The following EXOC2 variants were observed in gnomAD, a reference collection of about 807,000 sequenced individuals.
The protein encoded by EXOC2 is SEC5-like 1.
EXOC2 carries 70 observed loss-of-function variants against 131.8 expected under a neutral mutation model. The ratio of observed to expected loss-of-function variants is 0.53; its 90% CI spans 0.44 to 0.65. EXOC2 has a LOEUF of 0.65. Ranked by LOEUF, EXOC2 falls within the 30% of genes least tolerant of loss-of-function variation. EXOC2 has a pLI of 0.00. For synonymous variants in EXOC2, 411 were observed against 398.4 expected, an observed-to-expected ratio of 1.03 and a Z score of -0.38; for missense variants, 923 against 1,108.6, an observed-to-expected ratio of 0.83 and a Z score of 2.38.
intron 11 of EXOC2, among the ~76,000 whole-genome samples, chr6:578,271 C>A (rs887749754): frequency 8.5e-5 from 13 of 152,142 alleles, no homozygotes; most frequent in Non-Finnish European, 1.8e-4. Context: ...TCTGATAATG[C>A]AAACTATTCA....
chr6:567,655 G>C (rs376771055), intron 13 of EXOC2, among the ~76,000 whole-genome samples: 1 of 152,056 alleles, frequency 6.6e-6, no homozygotes, highest in Non-Finnish European at 1.5e-5. Context: ...GTCTACATAC[G>C]TGTACATGAT....
intron 1 of EXOC2, among the ~76,000 whole-genome samples, 176 bp downstream of exon 1, chr6:692,843 G>A (rs1218708836): frequency 6.6e-6 from 1 of 152,124 alleles, no homozygotes; most frequent in East Asian, 1.9e-4. Context: ...GATGGGGGCT[G>A]CGGGGCTGGG....
At chr6:638,094 T>C (rs1307225725) in intron 1 of EXOC2, among the ~76,000 whole-genome samples, 1 of 152,204 alleles carries the variant, frequency 6.6e-6, no homozygotes, top group Non-Finnish European at 1.5e-5. Context: ...TGCTAAGCCC[T>C]GGGTTCTAAA....
chr6:568,732 T>C (rs762395184), intron 13 of EXOC2, among the ~76,000 whole-genome samples: 2 of 152,194 alleles, frequency 1.3e-5, no homozygotes, highest in African/African-American at 4.8e-5. Context: ...ACTTTGTACA[T>C]AGTAAGACTG....
At chr6:629,739 T>C (rs1761749475) in intron 4 of EXOC2, 96 bp downstream of exon 4, 19 of 1,461,250 alleles carry the variant, frequency 1.3e-5, no homozygotes, top group Non-Finnish European at 1.8e-5. Context: ...CTGTGTTTCC[T>C]GGGATGTTTC....
At chr6:655,267 C>T (rs779310194) in intron 1 of EXOC2, among the ~76,000 whole-genome samples, 2 of 152,250 alleles carry the variant, frequency 1.3e-5, no homozygotes, top group Non-Finnish European at 2.9e-5. Flanking sequence ...AAGATTATGA[C>T]TTGCTGAGGG....
intron 4 of EXOC2, among the ~76,000 whole-genome samples, chr6:622,207 G>A (rs918959820): frequency 6.6e-6 from 1 of 152,126 alleles, no homozygotes; most frequent in Non-Finnish European, 1.5e-5. Flanking sequence ...CATTCAATGT[G>A]GTGTCTCACA....
chr6:654,258 G>A (rs1209357995), intron 1 of EXOC2, among the ~76,000 whole-genome samples: 4 of 152,100 alleles, frequency 2.6e-5, no homozygotes, highest in Non-Finnish European at 5.9e-5. Flanking sequence ...AATTTTGTAC[G>A]TTTATAGCTG....
chr6:612,325 T>G (rs1760757199), intron 6 of EXOC2, among the ~76,000 whole-genome samples: 1 of 152,214 alleles, frequency 6.6e-6, no homozygotes, highest in African/African-American at 2.4e-5. Context: ...CTAATTTGGC[T>G]CACATGCTGA....
chr6:500,336 T>C (rs1763971089), intron 23 of EXOC2, among the ~76,000 whole-genome samples: 1 of 152,138 alleles, frequency 6.6e-6, no homozygotes, highest in Non-Finnish European at 1.5e-5. Context: ...AACATCAGAT[T>C]TTAGGTACAA....
chr6:590,802 C>G (rs1759499443), intron 11 of EXOC2, among the ~76,000 whole-genome samples: 1 of 152,156 alleles, frequency 6.6e-6, no homozygotes, highest in East Asian at 1.9e-4. Flanking sequence ...GAGTTTGCTT[C>G]TTTTTTCGTC....
chr6:487,036 T>C (rs1763110446), intron 27 of EXOC2, among the ~76,000 whole-genome samples: 1 of 152,208 alleles, frequency 6.6e-6, no homozygotes. Flanking sequence ...TACAGACTGA[T>C]GTTTGGGCCT....
chr6:555,907 A>C (rs750746671), intron 19 of EXOC2, 47 bp downstream of exon 19: 1 of 1,568,282 alleles, frequency 6.4e-7, no homozygotes, highest in South Asian at 1.1e-5. Flanking sequence ...GTTGACTGAC[A>C]CTTAGTATTA....
chr6:562,755 A>T, intron 17 of EXOC2, 29 bp downstream of exon 17: 1 of 1,481,924 alleles, frequency 6.7e-7, no homozygotes, highest in Non-Finnish European at 9.2e-7. Context: ...CACACTAATG[A>T]CTAATAATTG....
chr6:584,407 C>G (rs1029745221), intron 11 of EXOC2, among the ~76,000 whole-genome samples: 1 of 152,076 alleles, frequency 6.6e-6, no homozygotes, highest in Non-Finnish European at 1.5e-5. Context: ...AATTGTAATA[C>G]TATGATTTAT....
At chr6:616,293 A>T (rs942186376) in intron 6 of EXOC2, among the ~76,000 whole-genome samples, 3 of 152,182 alleles carry the variant, frequency 2.0e-5, no homozygotes, top group Non-Finnish European at 4.4e-5. Context: ...TTAGACATTC[A>T]CATTTTACCC....
chr6:498,240 TATGA>T (rs1365049185), intron 24 of EXOC2, among the ~76,000 whole-genome samples: 1 of 152,248 alleles, frequency 6.6e-6, no homozygotes, highest in Non-Finnish European at 1.5e-5. Context: ...TAGTAAATAC[TATGA>T]ATGAAATTCT....
intron 1 of EXOC2, among the ~76,000 whole-genome samples, chr6:688,247 G>C (rs1169373501): frequency 1.3e-5 from 2 of 152,200 alleles, no homozygotes; most frequent in African/African-American, 2.4e-5. Context: ...ATAAGAAGCG[G>C]GTACTGATGA....
At chr6:591,223 G>C (rs148520159) in intron 11 of EXOC2, among the ~76,000 whole-genome samples, 1 of 152,118 alleles carries the variant, frequency 6.6e-6, no homozygotes, top group Non-Finnish European at 1.5e-5. Flanking sequence ...GGCCAGAGTC[G>C]TCATCTTTTC....
Sources: allele counts gnomAD v4.1 joint callset (sites outside exome capture counted in the v4.1 genomes callset), GRCh38; gene constraint gnomAD v4.1.1; transcripts MANE v1.5; gene names NCBI Gene and HGNC (gene_info 2026-07-23, HGNC 2026-07-21).